CMTM8: variants seen among roughly 807,000 people sequenced by gnomAD.
The protein encoded by CMTM8 is CKLF-like MARVEL transmembrane domain-containing protein 8.
CMTM8 carries 12 observed loss-of-function variants against 18.6 expected under a neutral mutation model. The observed-to-expected ratio is 0.65, with a 90% CI of 0.41 to 1.05. CMTM8 has a LOEUF of 1.05. Ranked by LOEUF, CMTM8 falls within the 50% of genes least tolerant of loss-of-function variation. CMTM8 has a pLI of 0.00. For missense variants in CMTM8, 217 were observed against 227.2 expected (o/e 0.95, Z 0.29); for synonymous variants, 87 against 90.6 (o/e 0.96, Z 0.23).
intron 2 of CMTM8, among the ~76,000 whole-genome samples, chr3:32,366,693 T>C (rs1369897161): frequency 2.0e-5 from 3 of 152,242 alleles, no homozygotes; most frequent in Non-Finnish European, 4.4e-5. Flanking sequence ...GACTCTATAT[T>C]CTAAGAGGTG....
Position 32,238,932 on chromosome 3 carries a change from C to T in CMTM8, c.-41C>T. The T allele has an allele frequency of 5.9e-6, 9 of 1,532,088 alleles. No homozygotes were observed. The highest frequency in any genetic ancestry group is 7.9e-6 in the Non-Finnish European group (9 of 1,138,072). The allele number at this position is 1,532,088 out of a possible 1,614,324, so 94.9% of individuals were successfully genotyped here. A position where few individuals can be genotyped will look rare whatever the true frequency, so the allele number is the denominator to read the frequency against. On this transcript the variant is annotated 5_prime_UTR_variant, in exon 1 of 4. Coordinates refer to ENST00000307526, the MANE Select transcript of CMTM8 (RefSeq NM_178868.5). ...GCCGCGCGTCCAGCCCCAGACCCGC[C>T]GGGGTCCCTGGGGACGCGCCAGCCC...
Position 32,261,547 on chromosome 3 carries a change from T to C in CMTM8, c.147+22428T>C, listed in dbSNP as rs538087649. Among the ~76,000 whole-genome samples, 3 of 152,332 alleles carry C rather than the reference T, an allele frequency of 2.0e-5. 1 individual carries two copies. In the South Asian group the frequency reaches 6.2e-4, roughly 32 times the overall value. ...TTGACAGGAAAATACCATTTGTTTG[T>C]TTGTTTTTGCTAAGATTTATGAGTA... On this transcript the variant is annotated intron_variant, in intron 1 of 3. Transcript: ENST00000307526.
intron 1 of CMTM8, among the ~76,000 whole-genome samples, chr3:32,254,772 C>A (rs1702155836): frequency 6.6e-6 from 1 of 152,098 alleles, no homozygotes. Flanking sequence ...TAAAGTTCAC[C>A]CATTCAAAGT....
At chr3:32,362,061 G>A (rs1270116189) in intron 2 of CMTM8, among the ~76,000 whole-genome samples, 1 of 2,466 alleles carries the variant, frequency 4.1e-4, no homozygotes, top group Admixed American at 5.7e-3. Context: ...TTTTTTTGGA[G>A]ATGGAGTCTT....
At chr3:32,272,824 G>A (rs1038818807) in intron 1 of CMTM8, among the ~76,000 whole-genome samples, 3 of 152,112 alleles carry the variant, frequency 2.0e-5, no homozygotes, top group Admixed American at 6.6e-5. Flanking sequence ...CACATTGAAG[G>A]GATGGCCTTT....
intron 1 of CMTM8, among the ~76,000 whole-genome samples, chr3:32,314,965 T>G (rs908167872): frequency 1.3e-5 from 2 of 151,786 alleles, no homozygotes; most frequent in Admixed American, 6.6e-5. Context: ...ACTTAATAAG[T>G]GGCAAAAAAA....
intron 1 of CMTM8, among the ~76,000 whole-genome samples, chr3:32,315,485 C>T (rs140948770): frequency 9.2e-5 from 14 of 152,282 alleles, no homozygotes; most frequent in African/African-American, 2.9e-4. Flanking sequence ...AACCACAAAA[C>T]GGGGCAGGAT....
In CMTM8 at chr3:32,247,504, T is replaced by G. The variant is rs1262423713; in HGVS notation, c.147+8385T>G. The stretch of plus-strand genomic sequence containing the variant: ...ATTTTTTCTTTTTTTTTCTGACTTT[T>G]TAGCAGATATGGAGTTTCACCATGT... On this transcript the variant is annotated intron_variant, in intron 1 of 3. Coordinates refer to ENST00000307526, the MANE Select transcript of CMTM8 (RefSeq NM_178868.5). 4.6e-5 allele frequency among the ~76,000 whole-genome samples: 7 copies of G among 152,262 alleles called. No homozygotes were observed. The South Asian group carries it at 1.2e-3, about 27-fold the overall frequency.
At position 32,358,561 on chromosome 3, in the gene CMTM8, G is replaced by A. The variant is rs1696861796; in HGVS notation, c.321+1015G>A. 6.6e-6 allele frequency among the ~76,000 whole-genome samples: 1 copy of A among 152,198 alleles called. No homozygotes were observed. Among genetic ancestry groups the A allele is most frequent in the African/African-American group, 2.4e-5 (1 of 41,450 alleles). ...TATTTGTGGTTATAGACTAAGTTAA[G>A]TTGGCACACTTTCAGACAACACTAT... On this transcript the variant is annotated intron_variant, in intron 2 of 3. Transcript: ENST00000307526. This position sits in a 1 kb window ranked among gnomAD's most constrained non-coding sequence, Gnocchi z 4.1.
intron 1 of CMTM8, among the ~76,000 whole-genome samples, chr3:32,331,550 A>AC (rs1189356062): frequency 2.9e-5 from 4 of 136,510 alleles, no homozygotes; most frequent in South Asian, 4.5e-4. Flanking sequence ...AATAAACCAT[A>AC]CAAAAAAAAA....
At position 32,238,929 on chromosome 3, in the gene CMTM8, C is replaced by T; in HGVS notation, c.-44C>T. ...AGGGCCGCGCGTCCAGCCCCAGACC[C>T]GCCGGGGTCCCTGGGGACGCGCCAG... On this transcript the variant is annotated 5_prime_UTR_variant, in exon 1 of 4. Transcript: ENST00000307526. 3.9e-6 allele frequency: 6 copies of T among 1,529,570 alleles called. No homozygotes were observed. Among genetic ancestry groups the T allele is most frequent in the Non-Finnish European group, 4.4e-6 (5 of 1,136,780 alleles). The allele number at this position is 1,529,570 out of a possible 1,614,324, so 94.7% of individuals were successfully genotyped here.
In CMTM8 at chr3:32,343,917, T is replaced by C. The variant is rs1575185454; in HGVS notation, c.148-13456T>C. ...GGTTTCACCACGTTGGCCAGGCTGG[T>C]CTCAAACTCCTGACCTCGAGTGATC... On this transcript the variant is annotated intron_variant, in intron 1 of 3. Transcript: ENST00000307526. Among the ~76,000 whole-genome samples, 3 of 152,148 alleles carry C rather than the reference T, an allele frequency of 2.0e-5. No homozygotes were observed. The South Asian group carries it at 6.2e-4, about 32-fold the overall frequency.
intron 1 of CMTM8, among the ~76,000 whole-genome samples, chr3:32,291,469 T>G (rs1172194720): frequency 6.6e-6 from 1 of 152,208 alleles, no homozygotes. Context: ...GGTCAATTGT[T>G]GACAAGTCAT....
chr3:32,365,303 G>GA (rs71630518), intron 2 of CMTM8, among the ~76,000 whole-genome samples: 5,054 of 144,636 alleles, frequency 0.035, 181 homozygotes, highest in African/African-American at 0.087. Flanking sequence ...CGGTATTTGA[G>GA]AAAAAAAAAA....
At position 32,239,068 on chromosome 3, in the gene CMTM8, C is replaced by A. The variant is rs1559358650; in HGVS notation, c.96C>A (p.Tyr32Ter). 1.3e-6 allele frequency: 2 copies of A among 1,599,294 alleles called. No individual in the cohort carries two copies. Among genetic ancestry groups the A allele is most frequent in the Non-Finnish European group, 1.7e-6 (2 of 1,173,560 alleles). Reference protein sequence around the residue: ...NFSTSSSSFAYDREFLRTLPG... With the variant: ...NFSTSSSSFA Reference sequence around the variant, plus strand: ...CCACCAGCAGCAGCAGCTTCGCCTACGACCGGGAGTTCCTCCGCACCCTGC... The same window carrying A: ...CCACCAGCAGCAGCAGCTTCGCCTAAGACCGGGAGTTCCTCCGCACCCTGC... Residue 32 changes from tyrosine (Y) to a stop codon, truncating the protein, a stop_gained, in exon 1 of 4, where the codon TAC becomes TAA. Coordinates refer to ENST00000307526, the MANE Select transcript of CMTM8 (RefSeq NM_178868.5). LOFTEE classifies it high-confidence loss of function.
intron 1 of CMTM8, among the ~76,000 whole-genome samples, chr3:32,344,039 A>T (rs1696549952): frequency 6.6e-6 from 1 of 152,184 alleles, no homozygotes; most frequent in Non-Finnish European, 1.5e-5. Flanking sequence ...GTTGCCACAT[A>T]TGTGCCATAT....
Position 32,259,515 on chromosome 3 carries a change from A to T in CMTM8, c.147+20396A>T, listed in dbSNP as rs1233332772. 1.4e-5 allele frequency: 11 copies of T among 782,158 alleles called. No individual in the cohort carries two copies. In the Admixed American group the frequency reaches 1.5e-4, roughly 11 times the overall value. The allele number at this position is 782,158 out of a possible 1,614,324, so 48.5% of individuals were successfully genotyped here. ...CTCTTCAAGGTCATTGATGACACCA[A>T]TGTCACTCGGCTGCAGCTGGAGACA... On this transcript the variant is annotated intron_variant, in intron 1 of 3. Coordinates refer to ENST00000307526, the MANE Select transcript of CMTM8 (RefSeq NM_178868.5).
chr3:32,326,548 G>A lies in CMTM8; in HGVS notation c.148-30825G>A, dbSNP rs377635680. 8.4e-5 allele frequency among the ~76,000 whole-genome samples: 11 copies of A among 130,684 alleles called. No individual in the cohort carries two copies. In the South Asian group the frequency reaches 9.3e-4, roughly 11 times the overall value. The allele number at this position is 130,684 out of a possible 152,430, so 85.7% of individuals were successfully genotyped here. A position where few individuals can be genotyped will look rare whatever the true frequency, so the allele number is the denominator to read the frequency against. On this transcript the variant is annotated intron_variant, in intron 1 of 3. Transcript: ENST00000307526. ...TTTTTTTTTTTTTTGACAGAGTCTCGCTCTGTCGCCCAGGCTGGAGTGCAG... is the reference window on the plus strand; with the variant it reads ...TTTTTTTTTTTTTTGACAGAGTCTCACTCTGTCGCCCAGGCTGGAGTGCAG...
At chr3:32,315,191 A>G (rs1317862513) in intron 1 of CMTM8, among the ~76,000 whole-genome samples, 3 of 149,510 alleles carry the variant, frequency 2.0e-5, no homozygotes, top group Non-Finnish European at 1.5e-5. Flanking sequence ...GTGCAGTGGC[A>G]CGATCTCAGC....
Sources: allele counts gnomAD v4.1 joint callset (sites outside exome capture counted in the v4.1 genomes callset), GRCh38; gene constraint gnomAD v4.1.1; non-coding constraint Gnocchi (gnomAD v3.1); transcripts MANE v1.5; gene names NCBI Gene and HGNC (gene_info 2026-07-23, HGNC 2026-07-21).